Variants in MED12L observed in about 807,000 individuals in gnomAD.
The protein encoded by MED12L is mediator complex subunit 12L, also known as mediator of RNA polymerase II transcription subunit 12-like protein.
A neutral mutation model predicts 281.3 loss-of-function variants in MED12L; 60 were observed. The observed-to-expected ratio is 0.21, with a 90% confidence interval of 0.17 to 0.26. MED12L has a LOEUF of 0.26. Among genes scored for constraint, MED12L ranks in the 10% least tolerant of loss-of-function variants. The pLI is 1.00. For synonymous variants in MED12L, 974 were observed against 987.2 expected (o/e 0.99, Z 0.25); for missense variants, 2,146 against 2,680.9 (o/e 0.80, Z 4.41).
At chr3:151,273,057 T>C (rs1741242886) in intron 16 of MED12L, among the ~76,000 whole-genome samples, 1 of 152,092 alleles carries the variant, frequency 6.6e-6, no homozygotes. Flanking sequence ...AATGCAAATA[T>C]TCCAAAATCT....
rs1391469499 is a variant in MED12L at position 151,413,245 on chromosome 3, C to T, written c.6247C>T (p.Pro2083Ser). ...TCCCTCCGTGCCCCTGCCTCAGGATCCCATGAGACCCAGACAGCCGCAAGT... is the reference window on the plus strand; with the variant it reads ...TCCCTCCGTGCCCCTGCCTCAGGATTCCATGAGACCCAGACAGCCGCAAGT... ...NLPSVPLPQDPMRPRQPQVRQ... is the reference protein window; with the variant it reads ...NLPSVPLPQDSMRPRQPQVRQ... The change falls in exon 42 of 45, where the codon CCC (proline) becomes TCC (serine). Residue 2083 changes from proline (P) to serine (S), a missense_variant. Coordinates refer to ENST00000687756, the MANE Select transcript of MED12L (RefSeq NM_001393769.1). 6.2e-7 allele frequency: 1 copy of T among 1,614,182 alleles called. No homozygotes were observed. The highest frequency in any genetic ancestry group is 1.7e-5 in the Admixed American group (1 of 60,030).
intron 16 of MED12L, among the ~76,000 whole-genome samples, chr3:151,195,054 T>G (rs1486165136): frequency 6.6e-6 from 1 of 152,066 alleles, no homozygotes; most frequent in Non-Finnish European, 1.5e-5. Context: ...TCGCAGCTTC[T>G]CAGGAGGCTG....
At chr3:151,130,036 T>C (rs1560076626) in intron 5 of MED12L, among the ~76,000 whole-genome samples, 1 of 152,140 alleles carries the variant, frequency 6.6e-6, no homozygotes, top group Admixed American at 6.5e-5. Flanking sequence ...CCCAGAGTAC[T>C]GGGATTACAG....
intron 16 of MED12L, among the ~76,000 whole-genome samples, chr3:151,318,034 G>C (rs1225358683): frequency 6.6e-6 from 1 of 151,940 alleles, no homozygotes; most frequent in Non-Finnish European, 1.5e-5. Context: ...AAAAACAAAT[G>C]GGTGTTTAAC....
At chr3:151,169,292 T>C (rs1721133691) in intron 11 of MED12L, among the ~76,000 whole-genome samples, 1 of 151,894 alleles carries the variant, frequency 6.6e-6, no homozygotes, top group Admixed American at 6.6e-5. Flanking sequence ...TTAATATTTT[T>C]ATATTTTTAG....
At chr3:151,378,942 T>G (rs1395712270) in intron 31 of MED12L, among the ~76,000 whole-genome samples, 2 of 152,236 alleles carry the variant, frequency 1.3e-5, no homozygotes, top group Non-Finnish European at 2.9e-5. Flanking sequence ...AATCATGTGG[T>G]AGGTACTCTC....
At chr3:151,231,489 A>G (rs1731660153) in intron 16 of MED12L, among the ~76,000 whole-genome samples, 1 of 152,244 alleles carries the variant, frequency 6.6e-6, no homozygotes, top group Non-Finnish European at 1.5e-5. Context: ...GATGTACACA[A>G]CATACTTTTG....
intron 16 of MED12L, among the ~76,000 whole-genome samples, chr3:151,339,186 T>A (rs1751454302): frequency 6.6e-6 from 1 of 152,126 alleles, no homozygotes; most frequent in South Asian, 2.1e-4. Flanking sequence ...GGAAGAGAAA[T>A]AATGGGGCTG....
chr3:151,253,863 C>T lies in MED12L; in HGVS notation c.2250+60197C>T, dbSNP rs376191395. Among the ~76,000 whole-genome samples the T allele has an allele frequency of 2.4e-4, 36 of 152,132 alleles. No homozygotes were observed. In the South Asian group the frequency reaches 7.3e-3, roughly 31 times the overall value. ...GACACCTGACTCCTAAGACTTAGCT[C>T]CACTGAAAAAGGTCTTTCATATCCA... On this transcript the variant is annotated intron_variant, in intron 16 of 44. Transcript: ENST00000687756.
At chr3:151,288,889 C>A (rs1743898144) in intron 16 of MED12L, among the ~76,000 whole-genome samples, 1 of 152,178 alleles carries the variant, frequency 6.6e-6, no homozygotes, top group Non-Finnish European at 1.5e-5. Flanking sequence ...CAGGAGTGGC[C>A]AGTCATCTCA....
intron 2 of MED12L, among the ~76,000 whole-genome samples, chr3:151,087,546 C>T (rs935603565): frequency 6.6e-6 from 1 of 152,140 alleles, no homozygotes; most frequent in Admixed American, 6.5e-5. Context: ...TCTGAATATA[C>T]CTCTGTAACC....
intron 2 of MED12L, among the ~76,000 whole-genome samples, chr3:151,093,088 T>C (rs146727419): frequency 1.3e-5 from 2 of 152,276 alleles, no homozygotes; most frequent in East Asian, 3.9e-4. Context: ...GGAGGATTGC[T>C]TGAAAGTAGA....
chr3:151,282,358 GT>G (rs146250992), intron 16 of MED12L, among the ~76,000 whole-genome samples: 10,333 of 149,260 alleles, frequency 0.069, 1,179 homozygotes, highest in African/African-American at 0.24. Context: ...GTTTTTTTTT[GT>G]TTTTTTTTGT....
At chr3:151,126,765 T>C (rs183420155) in intron 4 of MED12L, among the ~76,000 whole-genome samples, 2 of 152,316 alleles carry the variant, frequency 1.3e-5, no homozygotes, top group East Asian at 3.9e-4. Flanking sequence ...GAGAAATCCT[T>C]GGAACTGACA....
intron 16 of MED12L, among the ~76,000 whole-genome samples, chr3:151,343,767 T>C (rs1409558150): frequency 6.6e-6 from 1 of 151,750 alleles, no homozygotes; most frequent in Non-Finnish European, 1.5e-5. Flanking sequence ...GGTTTGTTTA[T>C]TTTACCAAGT....
At chr3:151,205,647 A>G (rs951575644) in intron 16 of MED12L, among the ~76,000 whole-genome samples, 6 of 152,184 alleles carry the variant, frequency 3.9e-5, no homozygotes, top group South Asian at 2.1e-4. Context: ...AAAACAAGCC[A>G]TGAGATACAG....
chr3:151,098,912 T>A (rs1285690502), intron 2 of MED12L, among the ~76,000 whole-genome samples: 1 of 152,128 alleles, frequency 6.6e-6, no homozygotes, highest in Non-Finnish European at 1.5e-5. Flanking sequence ...TCCATGTGGC[T>A]GGGGACGCCT....
chr3:151,317,511 C>T (rs1748438329), intron 16 of MED12L, among the ~76,000 whole-genome samples: 1 of 118,088 alleles, frequency 8.5e-6, no homozygotes, highest in Non-Finnish European at 1.6e-5. Context: ...TATGCAGTGG[C>T]ATGATCTCAG....
chr3:151,372,844 C>A, intron 27 of MED12L, 78 bp downstream of exon 27: 1 of 1,151,034 alleles, frequency 8.7e-7, no homozygotes, highest in Non-Finnish European at 1.3e-6. Context: ...TTATAGGAAA[C>A]TTGTGCATAG....
Sources: gnomAD v4.1 joint callset for allele counts (sites outside exome capture counted in the v4.1 genomes callset) on GRCh38, gnomAD v4.1.1 for gene constraint, MANE v1.5 for transcripts, NCBI Gene and HGNC (gene_info 2026-07-23, HGNC 2026-07-21) for gene names.